The following APLF variants were observed in gnomAD, a reference collection of about 807,000 sequenced individuals.
APLF encodes aprataxin and PNKP like factor, also known as aprataxin and PNK-like factor.
APLF carries 61 observed loss-of-function variants against 55.6 expected under a neutral mutation model. The observed-to-expected ratio is 1.10, with a 90% confidence interval of 0.89 to 1.36. The LOEUF (loss-of-function observed/expected upper bound fraction) is 1.36, where lower values mean the gene tolerates loss of function less well. APLF is among the 40% of genes most tolerant of loss of function. The pLI, the probability that APLF is intolerant of heterozygous loss-of-function variation, is 0.00. For missense variants in APLF, 611 were observed against 602.5 expected (o/e 1.01, Z -0.15); for synonymous variants, 207 against 214.8 (o/e 0.96, Z 0.32).
chr2:68,567,819 G>C (rs998944832), intron 9 of APLF, among the ~76,000 whole-genome samples: 1 of 152,028 alleles, frequency 6.6e-6, no homozygotes, highest in Non-Finnish European at 1.5e-5. Context: ...TCATCCTAAG[G>C]CTGGCTCCTC....
chr2:68,513,697 A>G lies in APLF; in HGVS notation c.622+17A>G, dbSNP rs1166100095. On this transcript the variant is annotated intron_variant, in intron 5 of 9. Coordinates refer to ENST00000303795, the MANE Select transcript of APLF (RefSeq NM_173545.3). ...TCAGTGGAGGTAGGTTTTTGTTTCT[A>G]CTAATGCTGACTTTAAAGGAAACAT... 1.6e-5 allele frequency: 26 copies of G among 1,605,488 alleles called. No homozygotes were observed. Among genetic ancestry groups the G allele is most frequent in the Non-Finnish European group, 2.0e-5 (24 of 1,176,014 alleles).
At chr2:68,528,576 C>T in intron 6 of APLF, 4 of 1,533,988 alleles carry the variant, frequency 2.6e-6, no homozygotes, top group Non-Finnish European at 3.5e-6. Flanking sequence ...TGCATGTCCT[C>T]CCCCACCGTC....
At chr2:68,490,089 A>T in intron 1 of APLF, 101 bp from the exon 2 acceptor site, 1 of 658,920 alleles carries the variant, frequency 1.5e-6, no homozygotes, top group Non-Finnish European at 2.5e-6. Context: ...TATCTAGTCT[A>T]CTGATTTCAG....
At chr2:68,565,417 T>C (rs1197339554) in intron 8 of APLF, among the ~76,000 whole-genome samples, 1 of 151,956 alleles carries the variant, frequency 6.6e-6, no homozygotes, top group Non-Finnish European at 1.5e-5. Flanking sequence ...GCTATGATTG[T>C]GCCCTGCACT....
chr2:68,469,971 A>G (rs933051009), intron 1 of APLF, among the ~76,000 whole-genome samples: 4 of 152,238 alleles, frequency 2.6e-5, no homozygotes, highest in Admixed American at 6.5e-5. Flanking sequence ...CAGTTTGACA[A>G]TGAGAATGGT....
intron 1 of APLF, among the ~76,000 whole-genome samples, chr2:68,482,621 C>G (rs1675999379): frequency 6.6e-6 from 1 of 152,034 alleles, no homozygotes; most frequent in African/African-American, 2.4e-5. Context: ...AGGGTGCAGA[C>G]ATGTTGTGGT....
chr2:68,551,295 T>A (rs2104029074), intron 8 of APLF, among the ~76,000 whole-genome samples: 1 of 152,258 alleles, frequency 6.6e-6, no homozygotes, highest in South Asian at 2.1e-4. Flanking sequence ...CTTTAGTTTT[T>A]AACAGTTTAA....
chr2:68,494,374 T>G (rs925606125), intron 2 of APLF, among the ~76,000 whole-genome samples: 15 of 151,948 alleles, frequency 9.9e-5, no homozygotes, highest in Admixed American at 9.2e-4. Context: ...CTGCTAGGTT[T>G]TTGGTGAAGC....
chr2:68,517,727 A>G (rs1235677986), intron 5 of APLF, among the ~76,000 whole-genome samples: 2 of 145,422 alleles, frequency 1.4e-5, no homozygotes, highest in Non-Finnish European at 3.0e-5. Context: ...ATATGTTAAT[A>G]TATAACTAAT....
chr2:68,520,868 T>C (rs998192408), intron 5 of APLF, among the ~76,000 whole-genome samples: 24 of 151,994 alleles, frequency 1.6e-4, no homozygotes, highest in African/African-American at 5.6e-4. Context: ...ATGGTGGTAT[T>C]TTGATGAGAA....
intron 7 of APLF, among the ~76,000 whole-genome samples, chr2:68,543,430 A>G (rs1001210109): frequency 2.6e-5 from 4 of 152,182 alleles, no homozygotes; most frequent in African/African-American, 9.7e-5. Context: ...GCCATGTGAA[A>G]AAACAAAAAA....
At chr2:68,555,181 A>G (rs1670971181) in intron 8 of APLF, among the ~76,000 whole-genome samples, 1 of 152,194 alleles carries the variant, frequency 6.6e-6, no homozygotes, top group African/African-American at 2.4e-5. Flanking sequence ...AAGGACTTAA[A>G]TCTAAGACCA....
chr2:68,517,923 A>G (rs1435495852), intron 5 of APLF, among the ~76,000 whole-genome samples: 2 of 144,004 alleles, frequency 1.4e-5, no homozygotes, highest in East Asian at 4.2e-4. Context: ...TATCACTAAT[A>G]TGTGTTAATA....
chr2:68,519,703 T>C (rs1219288202), intron 5 of APLF, among the ~76,000 whole-genome samples: 1 of 150,948 alleles, frequency 6.6e-6, no homozygotes, highest in African/African-American at 2.4e-5. Context: ...TTAGTTTCTT[T>C]ATCTACTCAT....
intron 9 of APLF, among the ~76,000 whole-genome samples, chr2:68,577,095 C>G (rs1022336659): frequency 6.6e-6 from 1 of 152,138 alleles, no homozygotes; most frequent in Non-Finnish European, 1.5e-5. Context: ...CCTAGTCTTA[C>G]TGAAACATGA....
intron 5 of APLF, among the ~76,000 whole-genome samples, chr2:68,525,780 C>G (rs1446919690): frequency 1.7e-5 from 2 of 117,108 alleles, no homozygotes; most frequent in Admixed American, 9.1e-5. Flanking sequence ...CACAGAGGCT[C>G]GCTCTGTCAC....
chr2:68,542,866 C>T (rs1670594479), intron 7 of APLF, among the ~76,000 whole-genome samples: 1 of 152,072 alleles, frequency 6.6e-6, no homozygotes, highest in South Asian at 2.1e-4. Flanking sequence ...GCACTATATT[C>T]ACAATACCCA....
At chr2:68,555,759 G>A (rs1670991358) in intron 8 of APLF, among the ~76,000 whole-genome samples, 1 of 152,182 alleles carries the variant, frequency 6.6e-6, no homozygotes, top group South Asian at 2.1e-4. Context: ...TGGTGGGAAT[G>A]TAAACTAATA....
At chr2:68,518,801 C>CATTATATAATAAAATATTAATAATA (rs1558539945) in intron 5 of APLF, among the ~76,000 whole-genome samples, 9 of 84,460 alleles carry the variant, frequency 1.1e-4, no homozygotes, top group African/African-American at 2.7e-4. Flanking sequence ...TATTAATAAT[C>CATTATATAATAAAATATTAATAATA]TATCATATAA....
Sources: gnomAD v4.1 joint callset for allele counts (sites outside exome capture counted in the v4.1 genomes callset) on GRCh38, gnomAD v4.1.1 for gene constraint, MANE v1.5 for transcripts, NCBI Gene and HGNC (gene_info 2026-07-23, HGNC 2026-07-21) for gene names.